SLC4A7: variants seen among roughly 807,000 people sequenced by gnomAD.
SLC4A7 encodes the protein solute carrier family 4 member 7.
In SLC4A7, 51 loss-of-function variants were observed where a neutral mutation model predicts 137.6. The ratio of observed to expected loss-of-function variants is 0.37; its 90% confidence interval spans 0.30 to 0.47. The LOEUF is 0.47. Ranked by LOEUF, SLC4A7 falls within the 20% of genes least tolerant of loss-of-function variation. SLC4A7 has a pLI of 1.00. For missense variants in SLC4A7, 1,247 were observed against 1,525.4 expected (o/e 0.82, Z 3.04); for synonymous variants, 542 against 518.6 (o/e 1.05, Z -0.61).
intron 13 of SLC4A7, among the ~76,000 whole-genome samples, chr3:27,407,011 G>A (rs1044871775): frequency 6.6e-6 from 1 of 151,290 alleles, no homozygotes; most frequent in Non-Finnish European, 1.5e-5. Context: ...ATGAAGCAAG[G>A]AGATGTCAAA....
At chr3:27,468,512 C>T (rs1462532406) in intron 1 of SLC4A7, among the ~76,000 whole-genome samples, 1 of 152,120 alleles carries the variant, frequency 6.6e-6, no homozygotes, top group Non-Finnish European at 1.5e-5. Flanking sequence ...TAGAGCTGCA[C>T]TGTGCTATGA....
chr3:27,475,182 G>T (rs1333496819), intron 1 of SLC4A7, among the ~76,000 whole-genome samples: 2 of 151,882 alleles, frequency 1.3e-5, no homozygotes, highest in Non-Finnish European at 2.9e-5. Flanking sequence ...TTTAAGGACA[G>T]TCAAGATTTT....
At chr3:27,429,135 G>A (rs370747813) in intron 7 of SLC4A7, among the ~76,000 whole-genome samples, 12 of 151,958 alleles carry the variant, frequency 7.9e-5, no homozygotes, top group African/African-American at 2.4e-4. Context: ...GCGTGGTGGT[G>A]CATGCCTGTA....
rs180684384 is a variant in SLC4A7, at chr3:27,472,408, C to T, written c.60+11659G>A. Among the ~76,000 whole-genome samples, 4 of 151,704 alleles carry T rather than the reference C, an allele frequency of 2.6e-5. No individual in the cohort carries two copies. The East Asian group carries it at 7.8e-4, about 30-fold the overall frequency. On this transcript the variant is annotated intron_variant, in intron 1 of 25. Transcript: ENST00000454389. ...TTCAAGAACAGCCTGGCCAACATGG[C>T]GAAACCCCATCTGTATGGGTTGCGT...
In SLC4A7 at chr3:27,418,593, C is replaced by A; in HGVS notation, c.1552G>T (p.Asp518Tyr). ...AATTCATCAATTCCAGATAAGAGGT[C>A]ATTTCTGTCTTTTGCTTTATAAGCT... ...DVAYKAKDRN[D>Y]LLSGIDEFLD... Residue 518 changes from aspartate to tyrosine, a missense_variant, in exon 11 of 26, where the codon GAC becomes TAC. Asp to Tyr is a radical substitution (Grantham distance 160, BLOSUM62 -3). Coordinates refer to ENST00000454389, the MANE Select transcript of SLC4A7 (RefSeq NM_001321103.2). 1 of 1,596,850 alleles carries A rather than the reference C, an allele frequency of 6.3e-7. No individual in the cohort carries two copies.
At chr3:27,383,302 GAATTGACT>G in intron 23 of SLC4A7, 52 bp from the exon 24 acceptor site, 2 of 1,277,682 alleles carry the variant, frequency 1.6e-6, no homozygotes, top group Admixed American at 3.7e-5. Flanking sequence ...TTTTCCAAGA[GAATTGACT>G]AATTTATAAC....
At chr3:27,438,277 C>A (rs776570694) in intron 3 of SLC4A7, among the ~76,000 whole-genome samples, 1 of 149,812 alleles carries the variant, frequency 6.7e-6, no homozygotes, top group Non-Finnish European at 1.5e-5. Flanking sequence ...GAGGCCGAGG[C>A]GGTTGGATCA....
At position 27,375,955 on chromosome 3, in the gene SLC4A7, G is replaced by C. The variant is rs1302540998; in HGVS notation, c.*809C>G. On this transcript the variant is annotated 3_prime_UTR_variant, in exon 26 of 26. Transcript: ENST00000454389. ...ACAAAGAGAGACAAGGCAGAGAACAGAGTGGGAATCATTGGCTTTAAAAGA... is the reference window on the plus strand; with the variant it reads ...ACAAAGAGAGACAAGGCAGAGAACACAGTGGGAATCATTGGCTTTAAAAGA... The C allele has an allele frequency of 1.3e-5, 2 of 151,996 alleles. No homozygotes were observed. Among genetic ancestry groups the C allele is most frequent in the African/African-American group, 2.4e-5 (1 of 41,412 alleles). The allele number at this position is 151,996 out of a possible 1,614,324, so 9.4% of individuals were successfully genotyped here.
At chr3:27,421,843 G>A (rs2055011977) in intron 8 of SLC4A7, 64 bp from the exon 9 acceptor site, 2 of 1,317,612 alleles carry the variant, frequency 1.5e-6, no homozygotes, top group East Asian at 2.4e-5. Flanking sequence ...GAGAGAAACA[G>A]GAAAGAAAAA....
chr3:27,417,402 A>G (rs1210938197), intron 11 of SLC4A7, among the ~76,000 whole-genome samples: 1 of 152,206 alleles, frequency 6.6e-6, no homozygotes, highest in Non-Finnish European at 1.5e-5. Context: ...TGGTGGGGCA[A>G]TGAACAAAAG....
At chr3:27,446,894 GTTT>G (rs1343210509) in intron 3 of SLC4A7, among the ~76,000 whole-genome samples, 1 of 43,454 alleles carries the variant, frequency 2.3e-5, no homozygotes, top group Admixed American at 2.6e-4. Context: ...TGTTTTTTTT[GTTT>G]TTTTTAAACA....
At chr3:27,473,011 C>T (rs966925137) in intron 1 of SLC4A7, among the ~76,000 whole-genome samples, 1 of 150,616 alleles carries the variant, frequency 6.6e-6, no homozygotes, top group African/African-American at 2.4e-5. Context: ...ATCTGGGAGT[C>T]GGAGGTTGCA....
intron 2 of SLC4A7, among the ~76,000 whole-genome samples, chr3:27,450,801 C>T (rs2058025668): frequency 6.6e-6 from 1 of 151,894 alleles, no homozygotes. Context: ...TTTTCTTCTG[C>T]CCTTACTTTA....
At chr3:27,480,522 A>G (rs1007615199) in intron 1 of SLC4A7, among the ~76,000 whole-genome samples, 5 of 152,158 alleles carry the variant, frequency 3.3e-5, no homozygotes, top group Middle Eastern at 3.2e-3. Context: ...AAGCCACAGC[A>G]CCTAGCCTTG....
intron 1 of SLC4A7, among the ~76,000 whole-genome samples, chr3:27,468,188 C>G (rs940547713): frequency 6.6e-6 from 1 of 152,142 alleles, no homozygotes; most frequent in Non-Finnish European, 1.5e-5. Context: ...CTCGGCCTCC[C>G]ACAGTGTTGG....
At chr3:27,389,858 T>C in intron 22 of SLC4A7, 73 bp downstream of exon 22, 1 of 1,124,302 alleles carries the variant, frequency 8.9e-7, no homozygotes, top group Non-Finnish European at 1.3e-6. Context: ...TCAAAATCAA[T>C]TATAAATATT....
intron 4 of SLC4A7, among the ~76,000 whole-genome samples, chr3:27,436,876 C>A (rs12486331): frequency 6.6e-6 from 1 of 151,918 alleles, no homozygotes; most frequent in Admixed American, 6.6e-5. Context: ...GACATAATTT[C>A]TTTATGAAAG....
chr3:27,404,143 G>A (rs2053085942), intron 14 of SLC4A7, among the ~76,000 whole-genome samples: 1 of 152,252 alleles, frequency 6.6e-6, no homozygotes, highest in African/African-American at 2.4e-5. Context: ...GGCCGAGGCA[G>A]GTGGAACACT....
intron 1 of SLC4A7, among the ~76,000 whole-genome samples, chr3:27,483,714 G>A (rs2059817598): frequency 6.6e-6 from 1 of 152,214 alleles, no homozygotes; most frequent in Admixed American, 6.5e-5. Context: ...CGCCTGGGGA[G>A]CGCGCTAAGA....
Sources: allele counts gnomAD v4.1 joint callset (sites outside exome capture counted in the v4.1 genomes callset), GRCh38; gene constraint gnomAD v4.1.1; transcripts MANE v1.5; gene names NCBI Gene and HGNC (gene_info 2026-07-23, HGNC 2026-07-21).